Variants in PLXNA4 observed in about 807,000 individuals in gnomAD.
PLXNA4 encodes plexin A4.
Under a neutral mutation model 191.8 loss-of-function variants are expected in PLXNA4, and 44 were observed. The observed-to-expected ratio is 0.23, with a 90% CI of 0.18 to 0.29. The LOEUF (loss-of-function observed/expected upper bound fraction) is 0.29. PLXNA4 is among the 10% of genes least tolerant of loss of function. The pLI, the probability that PLXNA4 is intolerant of heterozygous loss-of-function variation, is 1.00. For missense variants in PLXNA4, 1,800 were observed against 2,488.8 expected, an observed-to-expected ratio of 0.72 and a Z score of 5.89; for synonymous variants, 1,082 against 1,009.5, an observed-to-expected ratio of 1.07 and a Z score of -1.36.
In PLXNA4 at chr7:132,159,563, T is replaced by C. The variant is rs970228143; in HGVS notation, c.4570A>G (p.Thr1524Ala). 5 of 1,614,002 alleles carry C rather than the reference T, an allele frequency of 3.1e-6. No homozygotes were observed. Among genetic ancestry groups the C allele is most frequent in the Non-Finnish European group, 2.5e-6 (3 of 1,180,036 alleles). The change falls in exon 25 of 32, where the codon ACC (threonine) becomes GCC (alanine). Residue 1524 changes from threonine (T) to alanine (A), a missense_variant. This residue lies in a region of PLXNA4 where 214 missense variants were observed against 298.2 expected (regional missense o/e 0.72). Coordinates refer to ENST00000321063, the MANE Select transcript of PLXNA4 (RefSeq NM_020911.2). ...ATCTTCTCCTTGACCTGAGTGATGG[T>C]GTCACAGTTGAGGATCTTTACTGGG... ...EVPVKILNCD[T>A]ITQVKEKILD...
intron 4 of PLXNA4, among the ~76,000 whole-genome samples, chr7:132,255,321 C>T (rs1198426003): frequency 1.3e-5 from 2 of 152,192 alleles, no homozygotes; most frequent in East Asian, 1.9e-4. Context: ...CTTGGTCAGG[C>T]GCACTCAACA....
At chr7:132,625,613 T>C (rs1327069873) in intron 2 of PLXNA4, among the ~76,000 whole-genome samples, 2 of 152,154 alleles carry the variant, frequency 1.3e-5, no homozygotes, top group Non-Finnish European at 2.9e-5. Context: ...ATCCCCTGGC[T>C]TTCATCAATC....
rs1007651784 is a variant in PLXNA4, at chr7:132,518,798, C to T, written c.-86-10019G>A. Among the ~76,000 whole-genome samples, 4 of 152,188 alleles carry T rather than the reference C, an allele frequency of 2.6e-5. 1 individual carries two copies. Among genetic ancestry groups the T allele is most frequent in the East Asian group, 3.9e-4 (2 of 5,172 alleles). On this transcript the variant is annotated intron_variant, in intron 1 of 31. Transcript: ENST00000321063. The stretch of plus-strand genomic sequence containing the variant: ...CTCCATTCAGAGATCATGTCCCAGC[C>T]GGACCTCTGAGATGTTTATACATGG...
intron 3 of PLXNA4, among the ~76,000 whole-genome samples, chr7:132,308,686 T>C (rs1178818252): frequency 6.6e-6 from 1 of 152,096 alleles, no homozygotes; most frequent in Non-Finnish European, 1.5e-5. Context: ...TTTCCTCATA[T>C]GAAAAACAGA....
At chr7:132,244,457 G>A (rs1006677740) in intron 4 of PLXNA4, among the ~76,000 whole-genome samples, 20 of 152,120 alleles carry the variant, frequency 1.3e-4, no homozygotes, top group Admixed American at 9.8e-4. Flanking sequence ...CTTTCCTTAC[G>A]GAATATTTCT....
At chr7:132,603,348 C>T (rs1240204768) in intron 2 of PLXNA4, among the ~76,000 whole-genome samples, 1 of 152,150 alleles carries the variant, frequency 6.6e-6, no homozygotes, top group Non-Finnish European at 1.5e-5. Flanking sequence ...TTTATAAGGT[C>T]ACCAGAATCC....
At chr7:132,634,270 C>T (rs933170979) in intron 2 of PLXNA4, among the ~76,000 whole-genome samples, 1 of 152,138 alleles carries the variant, frequency 6.6e-6, no homozygotes, top group Non-Finnish European at 1.5e-5. Context: ...AAACTGCATG[C>T]TTTTTACAAA....
At chr7:132,348,902 T>G (rs1803362383) in intron 3 of PLXNA4, among the ~76,000 whole-genome samples, 1 of 152,172 alleles carries the variant, frequency 6.6e-6, no homozygotes, top group Admixed American at 6.5e-5. Flanking sequence ...AAATTTTTTT[T>G]GAGGAAACTA....
In PLXNA4 at chr7:132,179,856, G is replaced by A. The variant is rs748758866; in HGVS notation, c.3705C>T (p.Ser1235=). The A allele has an allele frequency of 2.4e-5, 39 of 1,613,216 alleles. No homozygotes were observed. The highest frequency in any genetic ancestry group is 3.2e-5 in the Non-Finnish European group (38 of 1,179,960). Residue 1235 remains serine, a synonymous_variant, in exon 20 of 32, where the codon AGC becomes AGT. Transcript: ENST00000321063. ...MVYIAPDSPL[S]LPAIVSIAVA... Reference sequence around the variant, plus strand: ...CTGCGATGCTGACGATGGCGGGCAGGCTGAGCGGGCTGTCCGGGGCAATGT... The same window carrying A: ...CTGCGATGCTGACGATGGCGGGCAGACTGAGCGGGCTGTCCGGGGCAATGT...
At chr7:132,134,706 G>C (rs1255421321) in intron 30 of PLXNA4, among the ~76,000 whole-genome samples, 1 of 152,218 alleles carries the variant, frequency 6.6e-6, no homozygotes, top group Admixed American at 6.5e-5. Flanking sequence ...GGCCAAGGGC[G>C]TAATAACATG....
At chr7:132,263,587 C>A (rs1554402400) in intron 4 of PLXNA4, among the ~76,000 whole-genome samples, 4 of 152,224 alleles carry the variant, frequency 2.6e-5, no homozygotes, top group Non-Finnish European at 1.5e-5. Context: ...GCGGAGCTGA[C>A]ACTTACAACC....
intron 3 of PLXNA4, chr7:132,485,051 G>C (rs1248303648): frequency 1.3e-6 from 2 of 1,594,924 alleles, no homozygotes; most frequent in African/African-American, 1.4e-5. Context: ...AAACAGGCTT[G>C]AGAAAAAAAA....
chr7:132,132,475 C>CTA (rs879421660), intron 31 of PLXNA4, among the ~76,000 whole-genome samples: 673 of 58,604 alleles, frequency 0.011, 16 homozygotes, highest in Non-Finnish European at 0.016. Context: ...CTGCTCTGCT[C>CTA]TGCTCTGCTC....
chr7:132,614,023 CAGTA>C (rs1413722855), intron 2 of PLXNA4, among the ~76,000 whole-genome samples: 2 of 152,118 alleles, frequency 1.3e-5, no homozygotes, highest in Non-Finnish European at 2.9e-5. Context: ...TGAGTAAAGG[CAGTA>C]AGTGAGAAAG....
intron 3 of PLXNA4, among the ~76,000 whole-genome samples, chr7:132,382,907 G>A (rs1804956211): frequency 6.6e-6 from 1 of 152,122 alleles, no homozygotes; most frequent in Non-Finnish European, 1.5e-5. Flanking sequence ...ATACACAAAT[G>A]TAGTTATATA....
chr7:132,512,653 AC>A (rs1268375297), intron 1 of PLXNA4, among the ~76,000 whole-genome samples: 3 of 152,132 alleles, frequency 2.0e-5, no homozygotes, highest in African/African-American at 7.2e-5. Flanking sequence ...ACCAGGAACC[AC>A]CACAGAGGTG....
At chr7:132,360,129 A>G (rs1803876884) in intron 3 of PLXNA4, among the ~76,000 whole-genome samples, 1 of 152,206 alleles carries the variant, frequency 6.6e-6, no homozygotes, top group Non-Finnish European at 1.5e-5. Context: ...TTATCCTACC[A>G]GATTACACAG....
intron 3 of PLXNA4, among the ~76,000 whole-genome samples, chr7:132,433,498 C>T (rs1795354124): frequency 6.6e-6 from 1 of 152,114 alleles, no homozygotes; most frequent in Admixed American, 6.5e-5. Flanking sequence ...TAAGATAGGG[C>T]GTCTTTCTGA....
intron 1 of PLXNA4, among the ~76,000 whole-genome samples, chr7:132,562,292 T>TCTC (rs530799874): frequency 1.1e-5 from 1 of 87,678 alleles, no homozygotes; most frequent in Non-Finnish European, 2.3e-5. Context: ...TCCTCCTCCT[T>TCTC]CTCCTCCTTC....
Sources: gnomAD v4.1 joint callset for allele counts (sites outside exome capture counted in the v4.1 genomes callset) on GRCh38, gnomAD v4.1.1 for gene constraint, gnomAD v4.1.1 regional missense constraint, MANE v1.5 for transcripts, NCBI Gene and HGNC (gene_info 2026-07-23, HGNC 2026-07-21) for gene names.